Variants in PHC2 observed in about 807,000 individuals in gnomAD.
PHC2 encodes the protein polyhomeotic homolog 2, also known as polyhomeotic-like protein 2.
Under a neutral mutation model 87.4 loss-of-function variants are expected in PHC2, and 29 were observed. The ratio of observed to expected loss-of-function variants is 0.33; its 90% CI spans 0.25 to 0.45. The LOEUF is 0.45. Among genes scored for constraint, PHC2 ranks in the 20% least tolerant of loss-of-function variants. PHC2 has a pLI of 1.00. For missense variants in PHC2, 857 were observed against 1,136.7 expected, an observed-to-expected ratio of 0.75 and a Z score of 3.54; for synonymous variants, 438 against 461.7, an observed-to-expected ratio of 0.95 and a Z score of 0.66.
intron 9 of PHC2, chr1:33,345,666 G>C (rs1353191186): frequency 4.1e-6 from 4 of 984,576 alleles, no homozygotes; most frequent in Non-Finnish European, 4.8e-6. Context: ...TATGATAAAA[G>C]AGCCCATTTC....
chr1:33,356,276 T>TATATATATATATATATAC (rs1557831073), intron 7 of PHC2, among the ~76,000 whole-genome samples: 1,615 of 59,146 alleles, frequency 0.027, 28 homozygotes, highest in Non-Finnish European at 0.035. Flanking sequence ...TATATATATA[T>TATATATATATATATATAC]GTATATATAT....
intron 1 of PHC2, among the ~76,000 whole-genome samples, chr1:33,423,803 G>T (rs1227259243): frequency 6.6e-6 from 1 of 152,058 alleles, no homozygotes; most frequent in Non-Finnish European, 1.5e-5. Context: ...TTTTTATTTA[G>T]AAAGTGCTGA....
rs1402751817 is a variant in PHC2 at position 33,323,913 on chromosome 1, C to T, written c.*952G>A. 1.3e-5 allele frequency: 2 copies of T among 152,318 alleles called. No individual in the cohort carries two copies. Among genetic ancestry groups the T allele is most frequent in the Admixed American group, 1.3e-4 (2 of 15,288 alleles). 9.4% of individuals were successfully genotyped at this position (152,318 alleles called of 1,614,324 possible). A position where few individuals can be genotyped will look rare whatever the true frequency, so the allele number is the denominator to read the frequency against. On this transcript the variant is annotated 3_prime_UTR_variant, in exon 15 of 15. Coordinates refer to ENST00000683057, the MANE Select transcript of PHC2 (RefSeq NM_001385109.1). ...AACAGAAACTCCAGCTGTTCTTTCC[C>T]CTTAGCAGTTCTCTGAGCCTCACCA... is the stretch of plus-strand genomic sequence containing the variant.
intron 1 of PHC2, among the ~76,000 whole-genome samples, chr1:33,383,588 C>G (rs927260955): frequency 6.6e-6 from 1 of 152,182 alleles, no homozygotes; most frequent in African/African-American, 2.4e-5. Context: ...GAAGGATTTG[C>G]TGTCTTTTGG....
intron 1 of PHC2, among the ~76,000 whole-genome samples, chr1:33,423,387 C>T (rs1293795218): frequency 6.6e-6 from 1 of 152,126 alleles, no homozygotes; most frequent in East Asian, 1.9e-4. Context: ...GATTTTAAGA[C>T]CTGAAACCAT....
intron 9 of PHC2, among the ~76,000 whole-genome samples, chr1:33,341,261 C>A (rs1042194747): frequency 7.9e-5 from 12 of 152,238 alleles, no homozygotes; most frequent in Admixed American, 2.0e-4. Context: ...GTGGCAGAAC[C>A]CACACTAGAA....
intron 1 of PHC2, among the ~76,000 whole-genome samples, chr1:33,390,774 G>A (rs543411519): frequency 2.0e-5 from 3 of 150,540 alleles, no homozygotes; most frequent in African/African-American, 4.9e-5. Flanking sequence ...ATTCTTCTTC[G>A]GTTCCTCACC....
At chr1:33,357,640 G>T (rs953823208) in intron 7 of PHC2, among the ~76,000 whole-genome samples, 2 of 152,156 alleles carry the variant, frequency 1.3e-5, no homozygotes, top group South Asian at 2.1e-4. Context: ...CAGACATTTG[G>T]TGATTATAAA....
intron 1 of PHC2, among the ~76,000 whole-genome samples, chr1:33,399,545 T>C (rs1015706295): frequency 6.6e-6 from 1 of 152,210 alleles, no homozygotes; most frequent in Non-Finnish European, 1.5e-5. Flanking sequence ...GAGATGTGCC[T>C]AGAATAGAAG....
chr1:33,341,532 G>A (rs193284389), intron 9 of PHC2, among the ~76,000 whole-genome samples: 40 of 152,304 alleles, frequency 2.6e-4, no homozygotes, highest in African/African-American at 8.2e-4. Context: ...TAATCAGGAC[G>A]CACAAGCTGG....
intron 1 of PHC2, among the ~76,000 whole-genome samples, chr1:33,412,988 T>C (rs571384079): frequency 6.6e-6 from 1 of 152,230 alleles, no homozygotes; most frequent in African/African-American, 2.4e-5. Context: ...TGTTTTGAGA[T>C]GGAGTCTCGC....
At chr1:33,417,507 C>T (rs930097204) in intron 1 of PHC2, among the ~76,000 whole-genome samples, 18 of 136,932 alleles carry the variant, frequency 1.3e-4, no homozygotes, top group African/African-American at 3.8e-4. Flanking sequence ...ACAAAATAGA[C>T]TGAGGAAGGA....
intron 1 of PHC2, among the ~76,000 whole-genome samples, chr1:33,380,808 C>T (rs1234518845): frequency 6.6e-6 from 1 of 152,202 alleles, no homozygotes; most frequent in Non-Finnish European, 1.5e-5. Context: ...ACCCCACAAG[C>T]TGCTCCATGT....
Position 33,346,618 on chromosome 1 carries a change from C to T in PHC2, c.1558+7783G>A, listed in dbSNP as rs184237963. The T allele has an allele frequency of 3.8e-4, 370 of 985,374 alleles. 1 individual carries two copies. In the African/African-American group the frequency reaches 5.9e-3, roughly 16 times the overall value. The allele number at this position is 985,374 out of a possible 1,614,324, so 61.0% of individuals were successfully genotyped here. On this transcript the variant is annotated intron_variant, in intron 9 of 14. Transcript: ENST00000683057. The stretch of plus-strand genomic sequence containing the variant: ...ACCGTACTAATGATGAGCAGCATTA[C>T]AGGAACTGGAGTCACCAACCTATTC...
chr1:33,418,791 GA>G (rs1650309193), intron 1 of PHC2, among the ~76,000 whole-genome samples: 1 of 152,158 alleles, frequency 6.6e-6, no homozygotes, highest in African/African-American at 2.4e-5. Flanking sequence ...ATTTAGAAGA[GA>G]AAAAATATTA....
At chr1:33,329,999 G>T (rs989055149) in intron 13 of PHC2, 72 bp downstream of exon 13, 16 of 1,536,166 alleles carry the variant, frequency 1.0e-5, no homozygotes, top group Non-Finnish European at 1.3e-5. Flanking sequence ...AGGGGACCGT[G>T]GTGTCGAGGG....
At chr1:33,412,809 C>T (rs1332760652) in intron 1 of PHC2, among the ~76,000 whole-genome samples, 26 of 152,166 alleles carry the variant, frequency 1.7e-4, no homozygotes, top group Admixed American at 1.6e-3. Flanking sequence ...AATTCAGAAA[C>T]AGAATTAAAA....
At chr1:33,329,477 A>C (rs952671612) in intron 13 of PHC2, among the ~76,000 whole-genome samples, 19 of 137,708 alleles carry the variant, frequency 1.4e-4, no homozygotes, top group African/African-American at 5.9e-4. Flanking sequence ...ACCATTCTTA[A>C]GGAGGTTTAA....
intron 7 of PHC2, among the ~76,000 whole-genome samples, chr1:33,355,935 C>T (rs553160186): frequency 6.6e-5 from 10 of 152,294 alleles, no homozygotes; most frequent in Non-Finnish European, 2.9e-5. Context: ...AGAAAAATGA[C>T]TTAATGTGCA....
Sources: allele counts gnomAD v4.1 joint callset (sites outside exome capture counted in the v4.1 genomes callset), GRCh38; gene constraint gnomAD v4.1.1; transcripts MANE v1.5; gene names NCBI Gene and HGNC (gene_info 2026-07-23, HGNC 2026-07-21).